DERL1: variants seen among roughly 807,000 people sequenced by gnomAD.
DERL1 encodes the protein derlin 1.
A neutral mutation model predicts 41.6 loss-of-function variants in DERL1; 24 were observed. The observed-to-expected ratio is 0.58, with a 90% CI of 0.42 to 0.81. DERL1 has a LOEUF of 0.81. Among genes scored for constraint, DERL1 ranks in the 30% least tolerant of loss-of-function variants. The pLI, the probability that DERL1 is intolerant of heterozygous loss-of-function variation, is 0.00. For missense variants in DERL1, 260 were observed against 314.3 expected (o/e 0.83, Z 1.31); for synonymous variants, 124 against 112.5 (o/e 1.10, Z -0.65).
intron 3 of DERL1, among the ~76,000 whole-genome samples, chr8:123,024,553 G>A (rs935846772): frequency 6.6e-6 from 1 of 152,188 alleles, no homozygotes; most frequent in African/African-American, 2.4e-5. Flanking sequence ...ACTTCACAGA[G>A]GGACTGAATT....
intron 2 of DERL1, among the ~76,000 whole-genome samples, chr8:123,027,955 G>A (rs927847020): frequency 6.6e-5 from 10 of 151,916 alleles, no homozygotes; most frequent in African/African-American, 1.4e-4. Flanking sequence ...CCAGCTACTC[G>A]GGAGCCTGAG....
intron 1 of DERL1, among the ~76,000 whole-genome samples, chr8:123,041,375 T>G (rs1192044972): frequency 2.0e-5 from 3 of 152,190 alleles, no homozygotes; most frequent in East Asian, 1.9e-4. Flanking sequence ...TAACAAGGCC[T>G]TCCATTTCTG....
intron 1 of DERL1, among the ~76,000 whole-genome samples, chr8:123,033,926 C>T (rs757880278): frequency 6.6e-6 from 1 of 152,170 alleles, no homozygotes; most frequent in Non-Finnish European, 1.5e-5. Flanking sequence ...AAAATGCTGG[C>T]TTTTGGTGTG....
At chr8:123,030,053 G>C (rs1185392415) in intron 2 of DERL1, among the ~76,000 whole-genome samples, 4 of 107,916 alleles carry the variant, frequency 3.7e-5, no homozygotes, top group African/African-American at 1.2e-4. Flanking sequence ...GAGCAAGATT[G>C]TCTCAAAAAA....
chr8:123,031,425 A>C (rs1005183894), intron 1 of DERL1, among the ~76,000 whole-genome samples: 1 of 152,092 alleles, frequency 6.6e-6, no homozygotes, highest in Non-Finnish European at 1.5e-5. Flanking sequence ...GGGGCCTGTA[A>C]TCTCAGCTAC....
chr8:123,030,569 A>C (rs1260800380), intron 2 of DERL1, 36 bp downstream of exon 2: 6 of 1,441,934 alleles, frequency 4.2e-6, no homozygotes, highest in Non-Finnish European at 5.7e-6. Context: ...GTAAATGAGA[A>C]AGAAACAATG....
intron 7 of DERL1, chr8:123,017,580 G>A (rs1305414002): frequency 6.6e-6 from 1 of 152,166 alleles, no homozygotes; most frequent in African/African-American, 2.4e-5. Flanking sequence ...GCAAGGAGCT[G>A]TATTTTGTCA....
intron 2 of DERL1, among the ~76,000 whole-genome samples, chr8:123,026,164 C>A (rs1156483771): frequency 6.6e-6 from 1 of 152,162 alleles, no homozygotes; most frequent in Non-Finnish European, 1.5e-5. Flanking sequence ...GCAAAAGTGT[C>A]TTCTACTCTC....
intron 4 of DERL1, among the ~76,000 whole-genome samples, chr8:123,023,154 T>C (rs901213172): frequency 1.3e-5 from 2 of 152,144 alleles, no homozygotes; most frequent in Admixed American, 1.3e-4. Flanking sequence ...ACAACCATTA[T>C]TGTCAATGTT....
In DERL1 at chr8:123,025,194, T is replaced by A. The variant is rs1317047393; in HGVS notation, c.266-144A>T. On this transcript the variant is annotated intron_variant, in intron 2 of 7. Transcript: ENST00000259512. Reference sequence around the variant, plus strand: ...ACTCCTCTCTAAAAAAGTGAATTTTTAAAAATATCTAAACAACGTCCCCAA... The same window carrying A: ...ACTCCTCTCTAAAAAAGTGAATTTTAAAAAATATCTAAACAACGTCCCCAA... 3.9e-6 allele frequency: 3 copies of A among 770,616 alleles called. No homozygotes were observed. The African/African-American group carries it at 5.3e-5, about 14-fold the overall frequency. The allele number at this position is 770,616 out of a possible 1,614,324, so 47.7% of individuals were successfully genotyped here. A position where few individuals can be genotyped will look rare whatever the true frequency, so the allele number is the denominator to read the frequency against.
intron 2 of DERL1, among the ~76,000 whole-genome samples, chr8:123,029,114 T>C (rs980310833): frequency 6.6e-6 from 1 of 152,050 alleles, no homozygotes; most frequent in African/African-American, 2.4e-5. Flanking sequence ...AATTAAGTTA[T>C]ACCAGAAAGG....
chr8:123,023,463 G>GA (rs1812611919), intron 4 of DERL1, among the ~76,000 whole-genome samples: 1 of 152,084 alleles, frequency 6.6e-6, no homozygotes, highest in African/African-American at 2.4e-5. Flanking sequence ...GCTGAGGCAG[G>GA]AAAATCACTT....
At chr8:123,021,100 T>C (rs1432127432) in intron 6 of DERL1, among the ~76,000 whole-genome samples, 1 of 152,170 alleles carries the variant, frequency 6.6e-6, no homozygotes, top group Non-Finnish European at 1.5e-5. Flanking sequence ...TAAGACATAG[T>C]AATTTTATAC....
At chr8:123,037,820 G>T (rs899932023) in intron 1 of DERL1, among the ~76,000 whole-genome samples, 12 of 152,212 alleles carry the variant, frequency 7.9e-5, no homozygotes, top group African/African-American at 1.7e-4. Flanking sequence ...CAGGGAAGTT[G>T]TAACAGGGTG....
At chr8:123,020,396 C>T (rs1814729737) in intron 6 of DERL1, among the ~76,000 whole-genome samples, 2 of 152,068 alleles carry the variant, frequency 1.3e-5, no homozygotes, top group Non-Finnish European at 2.9e-5. Flanking sequence ...ATGAGAATTG[C>T]TTGAACCTGG....
intron 1 of DERL1, among the ~76,000 whole-genome samples, chr8:123,037,981 T>C (rs563648766): frequency 6.6e-6 from 1 of 152,194 alleles, no homozygotes; most frequent in Non-Finnish European, 1.5e-5. Flanking sequence ...TGTGAACTAT[T>C]TGATTGATGA....
chr8:123,030,382 T>A (rs1271258324), intron 2 of DERL1: 1 of 374,658 alleles, frequency 2.7e-6, no homozygotes, highest in Non-Finnish European at 4.8e-6. Flanking sequence ...ACTTTTTGCA[T>A]CTATAAAATG....
Position 123,015,564 on chromosome 8 carries a change from C to A in DERL1, c.639G>T (p.Arg213Ser), listed in dbSNP as rs1438101280. Residue 213 changes from arginine (R) to serine (S), a missense_variant, in exon 8 of 8, where the codon AGG (arginine) becomes AGT (serine). Physicochemically the swap from Arg to Ser is moderately radical, Grantham distance 110. Coordinates refer to ENST00000259512, the MANE Select transcript of DERL1 (RefSeq NM_024295.6). ...PQFLYRWLPS[R>S]RGGVSGFGVP... The stretch of plus-strand genomic sequence containing the variant: ...CACCAAATCCTGATACTCCTCCTCT[C>A]CTACTGGGCAGCCAGCGGTACCTGG... The A allele has an allele frequency of 1.2e-6, 2 of 1,610,824 alleles. No homozygotes were observed. The highest frequency in any genetic ancestry group is 1.7e-6 in the Non-Finnish European group (2 of 1,178,538).
chr8:123,036,710 G>C (rs1177852470), intron 1 of DERL1, among the ~76,000 whole-genome samples: 1 of 152,108 alleles, frequency 6.6e-6, no homozygotes, highest in East Asian at 1.9e-4. Flanking sequence ...CTTAAATTAC[G>C]TACCAGAACA....
Sources: gnomAD v4.1 joint callset for allele counts (sites outside exome capture counted in the v4.1 genomes callset) on GRCh38, gnomAD v4.1.1 for gene constraint, MANE v1.5 for transcripts, NCBI Gene and HGNC (gene_info 2026-07-23, HGNC 2026-07-21) for gene names.